Variants in NID2 observed in about 807,000 individuals in gnomAD.
NID2 encodes the protein nidogen-2.
A neutral mutation model predicts 145.4 loss-of-function variants in NID2; 83 were observed. That is an observed-to-expected ratio of 0.57 (90% CI 0.48 to 0.69). NID2 has a LOEUF of 0.69. Ranked by LOEUF, NID2 falls within the 30% of genes least tolerant of loss-of-function variation. NID2 has a pLI of 0.00. For missense variants in NID2, 1,807 were observed against 1,765.7 expected (o/e 1.02, Z -0.42); for synonymous variants, 739 against 701.3 (o/e 1.05, Z -0.85).
At chr14:52,035,097 T>A (rs536552294) in intron 9 of NID2, among the ~76,000 whole-genome samples, 2 of 152,268 alleles carry the variant, frequency 1.3e-5, no homozygotes, top group Admixed American at 1.3e-4. Context: ...GCATTTGTTA[T>A]CCCCAATCAA....
intron 18 of NID2, chr14:52,009,170 G>A (rs981747984): frequency 1.3e-5 from 2 of 152,240 alleles, no homozygotes; most frequent in Non-Finnish European, 2.9e-5. Context: ...ATGAAGCAGA[G>A]AGAAGCTGAG....
chr14:52,029,386 C>T (rs1047093691), intron 10 of NID2, among the ~76,000 whole-genome samples, 161 bp downstream of exon 10: 4 of 152,188 alleles, frequency 2.6e-5, no homozygotes, highest in African/African-American at 9.7e-5. Context: ...AACAGCTATG[C>T]TTTAATTTTT....
At chr14:52,011,877 G>C in intron 16 of NID2, 194 bp from the exon 17 acceptor site, 1 of 615,312 alleles carries the variant, frequency 1.6e-6, no homozygotes, top group Non-Finnish European at 2.8e-6. Context: ...ATGTGGCTTT[G>C]GGCATTTAAC....
At chr14:52,060,036 G>A (rs1306900003) in intron 3 of NID2, 88 bp downstream of exon 3, 5 of 897,966 alleles carry the variant, frequency 5.6e-6, no homozygotes, top group Admixed American at 2.5e-5. Flanking sequence ...AATATATTAT[G>A]TAATGGTCTT....
rs1442549446 is a variant in NID2, at chr14:52,026,017, CAAGTGGA to C, written c.2674+1177_2674+1183del. On this transcript the variant is annotated intron_variant, in intron 12 of 21. Coordinates refer to ENST00000216286, the MANE Select transcript of NID2 (RefSeq NM_007361.4). Reference sequence around the variant, plus strand: ...CATGCAGCAGAGCTTCTGTACAGCACAAGTGGAAAGAGTAAGAATGAGGCTCAGAAAC... The same window carrying C: ...CATGCAGCAGAGCTTCTGTACAGCACAAGAGTAAGAATGAGGCTCAGAAAC... 5.9e-5 allele frequency among the ~76,000 whole-genome samples: 9 copies of C among 152,314 alleles called. No individual in the cohort carries two copies. In the East Asian group the frequency reaches 1.7e-3, roughly 29 times the overall value.
intron 16 of NID2, among the ~76,000 whole-genome samples, chr14:52,012,608 G>GA (rs1456534446): frequency 6.6e-6 from 1 of 152,078 alleles, no homozygotes; most frequent in Non-Finnish European, 1.5e-5. Context: ...TCAAAAGAAG[G>GA]AAAAAATCTA....
rs1316102662 is a variant in NID2 at position 52,030,594 on chromosome 14, GAAAGAAAGAA to G, written c.2258-914_2258-905del. On this transcript the variant is annotated intron_variant, in intron 9 of 21. Coordinates refer to ENST00000216286, the MANE Select transcript of NID2 (RefSeq NM_007361.4). ...GAAGGAAGGGAAAGAAAGAAAGAAA[GAAAGAAAGAA>G]AGAGAAAGAAAAAGAAAGAAAGAGA... is the stretch of plus-strand genomic sequence containing the variant. 2.1e-4 allele frequency among the ~76,000 whole-genome samples: 16 copies of G among 77,690 alleles called. 1 individual carries two copies. The highest frequency in any genetic ancestry group is 1.0e-3 in the South Asian group (2 of 1,960). The allele number at this position is 77,690 out of a possible 152,430, so 51.0% of individuals were successfully genotyped here.
chr14:52,049,837 G>A (rs771709460), intron 5 of NID2, among the ~76,000 whole-genome samples: 7 of 152,124 alleles, frequency 4.6e-5, no homozygotes, highest in African/African-American at 7.2e-5. Context: ...TGAAGGGAGA[G>A]GGGCCCTACC....
chr14:52,005,183 A>G lies in NID2; in HGVS notation c.*303T>C, dbSNP rs1890712711. On this transcript the variant is annotated 3_prime_UTR_variant, in exon 22 of 22. Transcript: ENST00000216286. ...GTCTTAAACTCTAATTCTTAGTTGA[A>G]TGAATTTGATCTTTTAAATATTAAT... 1 of 263,600 alleles carries G rather than the reference A, an allele frequency of 3.8e-6. No homozygotes were observed. 16.3% of individuals were successfully genotyped at this position (263,600 alleles called of 1,614,324 possible).
Position 52,060,308 on chromosome 14 carries a change from C to A in NID2, c.583G>T (p.Ala195Ser). ...CCGTTGGCAGGATAAAGAAAGAGGG[C>A]GTAGCTATCAGACCCATCAGATGCC... ...VLASDGSDSYALFLYPANGLQ... is the reference protein window; with the variant it reads ...VLASDGSDSYSLFLYPANGLQ... The change falls in exon 3 of 22, where the codon GCC becomes TCC. Residue 195 changes from alanine (A) to serine (S), a missense_variant. Ala to Ser is a moderately conservative substitution (Grantham distance 99, BLOSUM62 1). Coordinates refer to ENST00000216286, the MANE Select transcript of NID2 (RefSeq NM_007361.4). 1 of 1,598,420 alleles carries A rather than the reference C, an allele frequency of 6.3e-7. No individual in the cohort carries two copies. Among genetic ancestry groups the A allele is most frequent in the Non-Finnish European group, 8.5e-7 (1 of 1,174,784 alleles).
At chr14:52,051,283 GA>G (rs1436819238) in intron 5 of NID2, among the ~76,000 whole-genome samples, 5 of 152,152 alleles carry the variant, frequency 3.3e-5, no homozygotes, top group African/African-American at 9.7e-5. Flanking sequence ...GCTTCAAAGG[GA>G]AACTAAAATG....
Position 52,040,667 on chromosome 14 carries a change from G to A in NID2, c.2010C>T (p.Tyr670=). 1 of 1,613,864 alleles carries A rather than the reference G, an allele frequency of 6.2e-7. No individual in the cohort carries two copies. The highest frequency in any genetic ancestry group is 8.5e-7 in the Non-Finnish European group (1 of 1,179,798). The stretch of plus-strand genomic sequence containing the variant: ...TATACATACTGGAGTCGGAGTAGTG[G>A]TACAGCTCCTTGTAGGGAGAGATGT... The part of the protein sequence containing the change: ...TAHISPYKEL[Y]HYSDSTVTST... Residue 670 remains tyrosine, a synonymous_variant, in exon 8 of 22, where the codon TAC becomes TAT. Transcript: ENST00000216286.
chr14:52,050,292 T>A (rs1338914504), intron 5 of NID2, among the ~76,000 whole-genome samples: 1 of 152,126 alleles, frequency 6.6e-6, no homozygotes, highest in African/African-American at 2.4e-5. Context: ...TTTGTCTCTG[T>A]CTCTCTCCCT....
intron 12 of NID2, among the ~76,000 whole-genome samples, chr14:52,024,787 A>T (rs560115953): frequency 4.2e-4 from 64 of 152,274 alleles, no homozygotes; most frequent in African/African-American, 1.4e-3. Flanking sequence ...AGGGCAAATT[A>T]AAAAATGACA....
At chr14:52,026,192 G>A (rs923532592) in intron 12 of NID2, among the ~76,000 whole-genome samples, 23 of 152,228 alleles carry the variant, frequency 1.5e-4, no homozygotes, top group African/African-American at 5.3e-4. Flanking sequence ...AAAGGAATGG[G>A]AGAAGGATGA....
Position 52,006,568 on chromosome 14 carries a change from C to T in NID2, c.3973G>A (p.Ala1325Thr). Residue 1325 changes from alanine (A) to threonine (T), a missense_variant, in exon 20 of 22, where the codon GCA becomes ACA. Ala to Thr is a moderately conservative substitution (Grantham distance 58). Coordinates refer to ENST00000216286, the MANE Select transcript of NID2 (RefSeq NM_007361.4). ...LKYPFSIVSY[A>T]DHFYHTDWRR... Reference sequence around the variant, plus strand: ...CAGTCTGTGTGGTAGAAGTGATCTGCATAGCTTACGATGCTGAAGGGGTAC... The same window carrying T: ...CAGTCTGTGTGGTAGAAGTGATCTGTATAGCTTACGATGCTGAAGGGGTAC... The T allele has an allele frequency of 6.2e-7, 1 of 1,613,790 alleles. No homozygotes were observed. Among genetic ancestry groups the T allele is most frequent in the African/African-American group, 1.3e-5 (1 of 75,014 alleles).
intron 13 of NID2, 95 bp downstream of exon 13, chr14:52,019,964 C>G (rs1891342481): frequency 1.5e-5 from 22 of 1,516,388 alleles, no homozygotes; most frequent in Non-Finnish European, 2.0e-5. Context: ...CACCAAGGCT[C>G]CAGACCAGGC....
chr14:52,031,845 A>G (rs1423311768), intron 9 of NID2, among the ~76,000 whole-genome samples: 3 of 152,242 alleles, frequency 2.0e-5, no homozygotes, highest in African/African-American at 7.2e-5. Flanking sequence ...CAATGAGGAC[A>G]TGACCCTGTT....
intron 21 of NID2, 56 bp downstream of exon 21, chr14:52,005,681 T>TATATCCCTTCTCTACCCTGCTAATTTA: frequency 6.9e-7 from 1 of 1,450,796 alleles, no homozygotes; most frequent in South Asian, 1.1e-5. Flanking sequence ...AAATACCATA[T>TATATCCCTTCTCTACCCTGCTAATTTA]ATATCCCTTC....
Sources: allele counts gnomAD v4.1 joint callset (sites outside exome capture counted in the v4.1 genomes callset), GRCh38; gene constraint gnomAD v4.1.1; transcripts MANE v1.5; gene names NCBI Gene and HGNC (gene_info 2026-07-23, HGNC 2026-07-21).